RERE: variants seen among roughly 807,000 people sequenced by gnomAD.
RERE encodes the protein arginine-glutamic acid dipeptide repeats protein.
RERE carries 40 observed loss-of-function variants against 146.1 expected under a neutral mutation model. The ratio of observed to expected loss-of-function variants is 0.27; its 90% confidence interval spans 0.21 to 0.36. RERE has a LOEUF of 0.36. Among genes scored for constraint, RERE ranks in the 10% least tolerant of loss-of-function variants. The pLI, the probability that RERE is intolerant of heterozygous loss-of-function variation, is 1.00. For missense variants in RERE, 1,933 were observed against 2,138.7 expected, an observed-to-expected ratio of 0.90 and a Z score of 1.90; for synonymous variants, 1,003 against 866.0, an observed-to-expected ratio of 1.16 and a Z score of -2.78.
At chr1:8,448,500 T>C (rs1051921492) in intron 11 of RERE, among the ~76,000 whole-genome samples, 1 of 152,100 alleles carries the variant, frequency 6.6e-6, no homozygotes, top group Non-Finnish European at 1.5e-5. Flanking sequence ...GGCTCACGCC[T>C]GTAATCCCAG....
intron 2 of RERE, among the ~76,000 whole-genome samples, chr1:8,647,641 A>ATATATGTGTGTG (rs371893375): frequency 6.7e-6 from 1 of 148,534 alleles, no homozygotes; most frequent in East Asian, 2.0e-4. Context: ...TAAAATATGT[A>ATATATGTGTGTG]TGTGTGTGTG....
Position 8,666,551 on chromosome 1 carries a change from A to G in RERE, c.-144-10110T>C, listed in dbSNP as rs527742136. 2.0e-4 allele frequency among the ~76,000 whole-genome samples: 31 copies of G among 152,360 alleles called. No individual in the cohort carries two copies. In the South Asian group the frequency reaches 6.2e-3, roughly 31 times the overall value. On this transcript the variant is annotated intron_variant, in intron 1 of 22. Coordinates refer to ENST00000400908, the MANE Select transcript of RERE (RefSeq NM_001042681.2). ...CTTTCCTGTTGCCTTTCATATCAAC[A>G]TGCCTGGGAAAGAAGACGTAATGGC...
At chr1:8,467,806 G>A (rs1007443977) in intron 10 of RERE, among the ~76,000 whole-genome samples, 5 of 151,962 alleles carry the variant, frequency 3.3e-5, no homozygotes, top group East Asian at 1.9e-4. Flanking sequence ...CACCACGCCC[G>A]GCTTATTTTT....
chr1:8,546,993 G>A (rs144835122), intron 6 of RERE, among the ~76,000 whole-genome samples: 29 of 151,286 alleles, frequency 1.9e-4, no homozygotes, highest in South Asian at 1.0e-3. Flanking sequence ...AAACATCCAT[G>A]TTCTTAGATA....
In RERE at chr1:8,545,982, C is replaced by CTTT. The variant is rs3050828; in HGVS notation, c.726-4667_726-4665dup. On this transcript the variant is annotated intron_variant, in intron 6 of 22. Transcript: ENST00000400908. ...ACAGGTGCAAGCTACCATACCCAGT[C>CTTT]TTTTTTTTTTTTTTTTTTTTTTTTT... Among the ~76,000 whole-genome samples the CTTT allele has an allele frequency of 5.5e-3, 379 of 69,458 alleles. 25 individuals are homozygous for CTTT. The highest frequency in any genetic ancestry group is 0.017 in the East Asian group (34 of 2,012). 45.6% of individuals were successfully genotyped at this position (69,458 alleles called of 152,430 possible).
chr1:8,793,030 G>A (rs183653399), intron 1 of RERE, among the ~76,000 whole-genome samples: 39 of 151,878 alleles, frequency 2.6e-4, no homozygotes, highest in African/African-American at 7.2e-4. Context: ...GGTGGCGGGC[G>A]CCTGTAATCT....
At chr1:8,662,518 C>T (rs1260960475) in intron 1 of RERE, among the ~76,000 whole-genome samples, 1 of 152,076 alleles carries the variant, frequency 6.6e-6, no homozygotes, top group Non-Finnish European at 1.5e-5. Flanking sequence ...CCCATCTTTA[C>T]AAAAGAAAAA....
Position 8,356,225 on chromosome 1 carries a change from G to A in RERE, c.4361C>T (p.Pro1454Leu), listed in dbSNP as rs369579455. 3.3e-6 allele frequency: 5 copies of A among 1,525,362 alleles called. No homozygotes were observed. The highest frequency in any genetic ancestry group is 4.4e-6 in the Non-Finnish European group (5 of 1,147,896). The allele number at this position is 1,525,362 out of a possible 1,614,324, so 94.5% of individuals were successfully genotyped here. A position where few individuals can be genotyped will look rare whatever the true frequency, so the allele number is the denominator to read the frequency against. The change falls in exon 21 of 23, where the codon CCG becomes CTG. Residue 1454 changes from proline to leucine, a missense_variant. Pro to Leu is a moderately conservative substitution (Grantham distance 98). Transcript: ENST00000400908. This position sits in a 1 kb window ranked among gnomAD's most constrained non-coding sequence, Gnocchi z 5.2. ...ACCGGCAGTCAGGGGGTCGACCAGC[G>A]GGTGAACGGGGCCTGCTGAACCTAA... ...LHQGSAGPVHPLVDPLTAGPH... is the reference protein window; with the variant it reads ...LHQGSAGPVHLLVDPLTAGPH...
chr1:8,698,423 T>C (rs1032308887), intron 1 of RERE, among the ~76,000 whole-genome samples: 4 of 152,246 alleles, frequency 2.6e-5, no homozygotes, highest in Non-Finnish European at 5.9e-5. Flanking sequence ...TAAATACAGC[T>C]GTGAACACAG....
At chr1:8,800,187 T>C (rs1389286031) in intron 1 of RERE, among the ~76,000 whole-genome samples, 2 of 150,782 alleles carry the variant, frequency 1.3e-5, no homozygotes, top group African/African-American at 2.4e-5. Flanking sequence ...GCCAAAAGAT[T>C]GGACACCCCT....
intron 1 of RERE, among the ~76,000 whole-genome samples, chr1:8,680,191 G>A (rs1004112538): frequency 2.0e-5 from 3 of 152,042 alleles, no homozygotes; most frequent in African/African-American, 7.3e-5. Context: ...CCTGTTCAGT[G>A]ATTATCATTC....
Position 8,360,182 on chromosome 1 carries a change from G to A in RERE, c.3325C>T (p.Pro1109Ser), listed in dbSNP as rs1326343771. The stretch of plus-strand genomic sequence containing the variant: ...TCCGGGGACGGGCTCCTTGGTGGGG[G>A]AGGGGGGCTCTCAGGCTCCTCAGCG... ...DDAEEPESPP[P>S]PPRSPSPEPT... Residue 1109 changes from proline (P) to serine (S), a missense_variant, in exon 18 of 23, where the codon CCC (proline) becomes TCC (serine). Around this residue, in one of 11 missense-constraint regions of RERE, gnomAD observed 1,255 missense variants for 1,153.8 expected, o/e 1.09. Transcript: ENST00000400908. 6.3e-7 allele frequency: 1 copy of A among 1,599,114 alleles called. No individual in the cohort carries two copies. Among genetic ancestry groups the A allele is most frequent in the Admixed American group, 1.7e-5 (1 of 58,366 alleles).
chr1:8,531,188 C>T (rs1329766917), intron 7 of RERE, among the ~76,000 whole-genome samples: 2 of 152,090 alleles, frequency 1.3e-5, no homozygotes, highest in Non-Finnish European at 2.9e-5. Flanking sequence ...GGCCCGGGGG[C>T]TCACAAATAT....
At chr1:8,571,637 C>T (rs1343928441) in intron 4 of RERE, among the ~76,000 whole-genome samples, 1 of 152,190 alleles carries the variant, frequency 6.6e-6, no homozygotes, top group African/African-American at 2.4e-5. Context: ...TTCTTCTCTT[C>T]CTTTAACTTA....
At chr1:8,722,413 G>GT (rs1176647070) in intron 1 of RERE, among the ~76,000 whole-genome samples, 4 of 152,178 alleles carry the variant, frequency 2.6e-5, no homozygotes, top group Non-Finnish European at 5.9e-5. Context: ...AGGTACTGCT[G>GT]TAAGTATTAT....
intron 4 of RERE, among the ~76,000 whole-genome samples, chr1:8,576,393 A>G (rs1646294970): frequency 6.6e-6 from 1 of 152,224 alleles, no homozygotes; most frequent in Non-Finnish European, 1.5e-5. Context: ...GTAAATAAGA[A>G]GAAAGTTACA....
intron 11 of RERE, among the ~76,000 whole-genome samples, chr1:8,446,869 C>T (rs1181479654): frequency 6.6e-6 from 1 of 151,522 alleles, no homozygotes; most frequent in Admixed American, 6.6e-5. Flanking sequence ...TTAGTAGAGA[C>T]GGGGTTTCAC....
intron 11 of RERE, among the ~76,000 whole-genome samples, chr1:8,428,213 A>T (rs576431251): frequency 1.3e-5 from 2 of 152,338 alleles, no homozygotes; most frequent in Non-Finnish European, 2.9e-5. Flanking sequence ...AGCGCTGGGC[A>T]GCTCTGCTGT....
At chr1:8,396,407 G>A (rs1643057192) in intron 12 of RERE, among the ~76,000 whole-genome samples, 1 of 152,164 alleles carries the variant, frequency 6.6e-6, no homozygotes, top group Non-Finnish European at 1.5e-5. Context: ...TCACAGAGCC[G>A]AGAGGAAACC....
Sources: allele counts gnomAD v4.1 joint callset (sites outside exome capture counted in the v4.1 genomes callset), GRCh38; gene constraint gnomAD v4.1.1; regional missense constraint gnomAD v4.1.1; non-coding constraint Gnocchi (gnomAD v3.1); transcripts MANE v1.5; gene names NCBI Gene and HGNC (gene_info 2026-07-23, HGNC 2026-07-21).